HPSE2: variants seen among roughly 807,000 people sequenced by gnomAD.
HPSE2 encodes heparanase 2 (inactive), also known as inactive heparanase-2.
A neutral mutation model predicts 60.5 loss-of-function variants in HPSE2; 38 were observed. The ratio of observed to expected loss-of-function variants is 0.63; its 90% confidence interval spans 0.48 to 0.82. HPSE2 has a LOEUF of 0.82. Ranked by LOEUF, HPSE2 falls within the 40% of genes least tolerant of loss-of-function variation. HPSE2 has a pLI of 0.00. For synonymous variants in HPSE2, 295 were observed against 293.2 expected (o/e 1.01, Z -0.06); for missense variants, 713 against 740.4 (o/e 0.96, Z 0.43).
intron 6 of HPSE2, among the ~76,000 whole-genome samples, chr10:98,647,723 C>G (rs1019214773): frequency 2.0e-5 from 3 of 152,212 alleles, no homozygotes; most frequent in Admixed American, 6.5e-5. Context: ...TCCTGCTGAG[C>G]ACTTGCCATT....
At position 99,042,401 on chromosome 10, in the gene HPSE2, C is replaced by T. The variant is rs554440333; in HGVS notation, c.610+101837G>A. ...TTCTCTGGGGTGGAATTCCCAGAGG[C>T]ATTTCTCTGGGGTGGAGTTCCCAGA... On this transcript the variant is annotated intron_variant, in intron 3 of 11. Coordinates refer to ENST00000370552, the MANE Select transcript of HPSE2 (RefSeq NM_021828.5). Among the ~76,000 whole-genome samples the T allele has an allele frequency of 4.0e-5, 6 of 151,780 alleles. No individual in the cohort carries two copies. In the South Asian group the frequency reaches 1.0e-3, roughly 26 times the overall value.
chr10:99,014,982 AC>A (rs1360005726), intron 3 of HPSE2, among the ~76,000 whole-genome samples: 3 of 152,220 alleles, frequency 2.0e-5, no homozygotes, highest in African/African-American at 4.8e-5. Context: ...CAAGAAAAAA[AC>A]AACCCCATCA....
chr10:99,025,240 G>C (rs1201098602), intron 3 of HPSE2, among the ~76,000 whole-genome samples: 1 of 152,042 alleles, frequency 6.6e-6, no homozygotes, highest in Non-Finnish European at 1.5e-5. Context: ...TATGCAAATA[G>C]TGTTAAGGTA....
chr10:98,506,832 GAT>G (rs1004180271), intron 9 of HPSE2, among the ~76,000 whole-genome samples: 2 of 152,092 alleles, frequency 1.3e-5, no homozygotes, highest in African/African-American at 4.8e-5. Flanking sequence ...CTACCCTTTT[GAT>G]ATTCTATGAA....
intron 3 of HPSE2, among the ~76,000 whole-genome samples, chr10:98,904,074 GTATAAACTACATAGTATCACTGTGTATTA>G (rs1167903151): frequency 6.6e-6 from 1 of 152,108 alleles, no homozygotes; most frequent in Non-Finnish European, 1.5e-5. Context: ...CAAAAGTATT[GTATAAACTACATAGTATCACTGTGTATTA>G]TAGTACACTG....
At chr10:98,657,586 C>T (rs1390452744) in intron 6 of HPSE2, among the ~76,000 whole-genome samples, 1 of 152,236 alleles carries the variant, frequency 6.6e-6, no homozygotes, top group Non-Finnish European at 1.5e-5. Context: ...ATCTGCTTGC[C>T]TTGCTCTCCC....
At chr10:99,098,300 T>C (rs1216713791) in intron 3 of HPSE2, among the ~76,000 whole-genome samples, 1 of 152,236 alleles carries the variant, frequency 6.6e-6, no homozygotes, top group Non-Finnish European at 1.5e-5. Context: ...CTAGAAATGA[T>C]GTAAATCTAG....
chr10:99,246,838 G>C, the HPSE2 span, among the ~76,000 whole-genome samples: 1 of 152,090 alleles, frequency 6.6e-6, no homozygotes, highest in Non-Finnish European at 1.5e-5. Flanking sequence ...ATTTCATACT[G>C]TTTTTCTTTT....
intron 4 of HPSE2, among the ~76,000 whole-genome samples, chr10:98,727,866 A>T (rs2134274596): frequency 6.6e-6 from 1 of 152,266 alleles, no homozygotes; most frequent in African/African-American, 2.4e-5. Flanking sequence ...ATCAGAAAAA[A>T]ATGGAGGCCA....
intron 3 of HPSE2, among the ~76,000 whole-genome samples, chr10:98,758,008 T>C (rs945331600): frequency 6.6e-6 from 1 of 151,680 alleles, no homozygotes; most frequent in Non-Finnish European, 1.5e-5. Context: ...GCCAATGGAA[T>C]GGTTACAATA....
chr10:99,198,884 CTT>C lies in HPSE2; in HGVS notation c.448+33462_448+33463del, dbSNP rs372494897. ...AGTACCTGGAAACCACCATTCTACTCTTTGTTTCTATTAGTTTGACTATCTCA... is the reference window on the plus strand; with the variant it reads ...AGTACCTGGAAACCACCATTCTACTCTGTTTCTATTAGTTTGACTATCTCA... On this transcript the variant is annotated intron_variant, in intron 2 of 11. Transcript: ENST00000370552. Among the ~76,000 whole-genome samples the C allele has an allele frequency of 6.5e-3, 995 of 152,234 alleles. 6 individuals are homozygous for C. Among genetic ancestry groups the C allele is most frequent in the African/African-American group, 0.022 (922 of 41,560 alleles).
the HPSE2 span, among the ~76,000 whole-genome samples, chr10:99,241,683 C>T: frequency 6.8e-4 from 104 of 152,142 alleles, 1 homozygote; most frequent in East Asian, 5.2e-3. Context: ...CACTAAAGCC[C>T]GGGAGTTCAA....
intron 9 of HPSE2, among the ~76,000 whole-genome samples, chr10:98,525,608 G>T (rs1035997893): frequency 6.6e-6 from 1 of 152,128 alleles, no homozygotes; most frequent in African/African-American, 2.4e-5. Context: ...GGTGAAAATT[G>T]AGTTTGATGG....
Position 98,618,326 on chromosome 10 carries a change from C to T in HPSE2, c.1205+2276G>A, listed in dbSNP as rs186293883. 1.4e-3 allele frequency among the ~76,000 whole-genome samples: 210 copies of T among 152,250 alleles called. 1 individual carries two copies. Among genetic ancestry groups the T allele is most frequent in the Non-Finnish European group, 6.5e-4 (44 of 68,036 alleles). ...GCTCATGAAAAGGCAGTTCTCTTTT[C>T]CAACTTCCTCCATGAAGGTCTGCAG... On this transcript the variant is annotated intron_variant, in intron 8 of 11. Coordinates refer to ENST00000370552, the MANE Select transcript of HPSE2 (RefSeq NM_021828.5).
At chr10:98,917,773 C>T (rs1235159669) in intron 3 of HPSE2, among the ~76,000 whole-genome samples, 2 of 152,084 alleles carry the variant, frequency 1.3e-5, no homozygotes, top group African/African-American at 4.8e-5. Context: ...AACAAATAAA[C>T]GTTTAGTAAC....
intron 2 of HPSE2, among the ~76,000 whole-genome samples, chr10:99,230,055 T>C (rs1308921802): frequency 6.6e-6 from 1 of 152,206 alleles, no homozygotes; most frequent in Non-Finnish European, 1.5e-5. Context: ...TCTTTAACTC[T>C]GCTAAAGCCT....
intron 8 of HPSE2, among the ~76,000 whole-genome samples, chr10:98,616,124 C>A (rs2133977595): frequency 6.6e-6 from 1 of 152,084 alleles, no homozygotes; most frequent in Middle Eastern, 3.4e-3. Context: ...GATTTCTTCT[C>A]ATATATTAAT....
chr10:98,540,693 A>G (rs1943431421), intron 9 of HPSE2, among the ~76,000 whole-genome samples: 1 of 152,260 alleles, frequency 6.6e-6, no homozygotes, highest in Non-Finnish European at 1.5e-5. Context: ...CTCTCTGGAA[A>G]TATAGTATGC....
intron 9 of HPSE2, among the ~76,000 whole-genome samples, chr10:98,589,672 CT>C (rs2133939747): frequency 6.6e-6 from 1 of 152,306 alleles, no homozygotes; most frequent in East Asian, 1.9e-4. Context: ...TTCTCTAGAA[CT>C]TTTAATCCAC....
Sources: gnomAD v4.1 joint callset for allele counts (sites outside exome capture counted in the v4.1 genomes callset) on GRCh38, gnomAD v4.1.1 for gene constraint, MANE v1.5 for transcripts, NCBI Gene and HGNC (gene_info 2026-07-23, HGNC 2026-07-21) for gene names.